Variants in MCU observed in about 807,000 individuals in gnomAD.
MCU encodes mitochondrial calcium uniporter.
A neutral mutation model predicts 45.2 loss-of-function variants in MCU; 12 were observed. The ratio of observed to expected loss-of-function variants is 0.27; its 90% confidence interval spans 0.17 to 0.43. MCU has a LOEUF of 0.43. Ranked by LOEUF, MCU falls within the 20% of genes least tolerant of loss-of-function variation. The probability of loss-of-function intolerance (pLI) is 1.00; values close to 1 mark genes in which losing one functional copy is unlikely to be tolerated. For synonymous variants in MCU, 160 were observed against 165.1 expected (o/e 0.97, Z 0.24); for missense variants, 324 against 436.7 (o/e 0.74, Z 2.30).
At chr10:72,835,846 T>C (rs2132836857) in intron 2 of MCU, among the ~76,000 whole-genome samples, 1 of 152,338 alleles carries the variant, frequency 6.6e-6, no homozygotes, top group South Asian at 2.1e-4. Context: ...GAAAGGTAGC[T>C]GTGTTGCCCC....
At chr10:72,819,724 A>C (rs928018500) in intron 1 of MCU, among the ~76,000 whole-genome samples, 1 of 121,560 alleles carries the variant, frequency 8.2e-6, no homozygotes, top group Admixed American at 8.6e-5. Flanking sequence ...ACATTTTTCC[A>C]GTCTTTTTTT....
At chr10:72,738,787 A>G (rs1356793137) in intron 1 of MCU, among the ~76,000 whole-genome samples, 4 of 152,066 alleles carry the variant, frequency 2.6e-5, no homozygotes, top group African/African-American at 9.7e-5. Flanking sequence ...CTTCCAGGCT[A>G]TTTTTTTCTC....
chr10:72,703,535 T>C (rs1832562974), intron 1 of MCU, among the ~76,000 whole-genome samples: 4 of 152,198 alleles, frequency 2.6e-5, no homozygotes, highest in Admixed American at 2.0e-4. Context: ...TTATGTTTTG[T>C]TTTTAACTCA....
At chr10:72,755,347 C>T (rs1421749026) in intron 1 of MCU, among the ~76,000 whole-genome samples, 2 of 151,978 alleles carry the variant, frequency 1.3e-5, no homozygotes, top group East Asian at 3.9e-4. Flanking sequence ...GGGGTTTCAG[C>T]ATGTGGATCA....
chr10:72,882,666 A>G (rs561390907), intron 6 of MCU, among the ~76,000 whole-genome samples: 115 of 152,300 alleles, frequency 7.6e-4, no homozygotes, highest in African/African-American at 2.7e-3. Flanking sequence ...ATCAATGACA[A>G]TGGTGCCCGA....
chr10:72,882,308 A>G (rs911744212), intron 6 of MCU, among the ~76,000 whole-genome samples: 3 of 152,232 alleles, frequency 2.0e-5, no homozygotes, highest in African/African-American at 7.2e-5. Context: ...AAAAAGAACA[A>G]GATAACAGCA....
chr10:72,880,017 C>CAT (rs1484262532), intron 6 of MCU, among the ~76,000 whole-genome samples: 1 of 152,130 alleles, frequency 6.6e-6, no homozygotes, highest in Non-Finnish European at 1.5e-5. Flanking sequence ...CACTGCACTC[C>CAT]AGCCTGGGTG....
intron 1 of MCU, among the ~76,000 whole-genome samples, chr10:72,784,956 T>C (rs180977554): frequency 3.3e-5 from 5 of 152,280 alleles, no homozygotes; most frequent in African/African-American, 1.2e-4. Flanking sequence ...TCCTGGTGTG[T>C]GTGTCTTTTA....
At chr10:72,867,840 G>A (rs1845480783) in intron 4 of MCU, among the ~76,000 whole-genome samples, 1 of 143,810 alleles carries the variant, frequency 7.0e-6, no homozygotes. Flanking sequence ...GGGTAACAGA[G>A]TGAGACTTTG....
At chr10:72,699,859 T>C (rs1010868668) in intron 1 of MCU, among the ~76,000 whole-genome samples, 1 of 152,032 alleles carries the variant, frequency 6.6e-6, no homozygotes, top group South Asian at 2.1e-4. Context: ...CCCAAAGTAC[T>C]GGGGTTACAG....
intron 2 of MCU, among the ~76,000 whole-genome samples, chr10:72,850,671 C>A (rs1349914637): frequency 6.6e-6 from 1 of 152,110 alleles, no homozygotes. Flanking sequence ...CTGCACTACT[C>A]TTCTTAGTCT....
chr10:72,696,185 ATTTTTT>A (rs1554818423), intron 1 of MCU, among the ~76,000 whole-genome samples: 1 of 109,988 alleles, frequency 9.1e-6, no homozygotes, highest in African/African-American at 3.5e-5. Flanking sequence ...AAAAAAAAAA[ATTTTTT>A]TTTTTTTTTT....
At chr10:72,817,394 T>G (rs770424424) in intron 1 of MCU, among the ~76,000 whole-genome samples, 2 of 152,208 alleles carry the variant, frequency 1.3e-5, no homozygotes, top group African/African-American at 2.4e-5. Context: ...AATAGTAGCC[T>G]GAGGTAGGCT....
At chr10:72,792,177 G>A (rs758290595) in intron 1 of MCU, among the ~76,000 whole-genome samples, 1 of 152,190 alleles carries the variant, frequency 6.6e-6, no homozygotes, top group African/African-American at 2.4e-5. Context: ...CAGCTAATGC[G>A]TAAATCCTTA....
At chr10:72,807,656 C>T (rs1844472710) in intron 1 of MCU, among the ~76,000 whole-genome samples, 2 of 152,164 alleles carry the variant, frequency 1.3e-5, no homozygotes, top group South Asian at 2.1e-4. Flanking sequence ...TCCCTCTCCT[C>T]TCACACACAC....
chr10:72,829,789 G>T (rs1263841978), intron 1 of MCU, among the ~76,000 whole-genome samples: 1 of 152,008 alleles, frequency 6.6e-6, no homozygotes, highest in Non-Finnish European at 1.5e-5. Context: ...TTGCTTCCTT[G>T]GTTTTTGTTT....
At chr10:72,755,988 T>C (rs909465496) in intron 1 of MCU, among the ~76,000 whole-genome samples, 2 of 152,142 alleles carry the variant, frequency 1.3e-5, no homozygotes, top group Admixed American at 6.5e-5. Flanking sequence ...GGACTACCGG[T>C]GTGCACCACC....
At position 72,716,715 on chromosome 10, in the gene MCU, TA is replaced by T. The variant is rs879381622; in HGVS notation, c.150+24429del. Reference sequence around the variant, plus strand: ...CTTGGGCAATATAGTGAGGCCCCATTAAAAAAAAAAAAAAATTAGTTGGGCA... The same window carrying T: ...CTTGGGCAATATAGTGAGGCCCCATTAAAAAAAAAAAAAATTAGTTGGGCA... On this transcript the variant is annotated intron_variant, in intron 1 of 7. Transcript: ENST00000373053. 4.4e-3 allele frequency among the ~76,000 whole-genome samples: 611 copies of T among 140,202 alleles called. 1 individual carries two copies. The highest frequency in any genetic ancestry group is 0.011 in the Middle Eastern group (3 of 278). The allele number at this position is 140,202 out of a possible 152,430, so 92.0% of individuals were successfully genotyped here. A position where few individuals can be genotyped will look rare whatever the true frequency, so the allele number is the denominator to read the frequency against.
chr10:72,717,440 G>T (rs1842968732), intron 1 of MCU, among the ~76,000 whole-genome samples: 1 of 151,958 alleles, frequency 6.6e-6, no homozygotes, highest in Non-Finnish European at 1.5e-5. Context: ...TGTACTTTTA[G>T]TAGAGACGGG....
Sources: allele counts gnomAD v4.1 joint callset (sites outside exome capture counted in the v4.1 genomes callset), GRCh38; gene constraint gnomAD v4.1.1; transcripts MANE v1.5; gene names NCBI Gene and HGNC (gene_info 2026-07-23, HGNC 2026-07-21).